CCDC91: variants seen among roughly 807,000 people sequenced by gnomAD.
The protein encoded by CCDC91 is coiled-coil domain containing 91.
A neutral mutation model predicts 63.2 loss-of-function variants in CCDC91; 48 were observed. That is an observed-to-expected ratio of 0.76 (90% CI 0.60 to 0.97). The LOEUF (loss-of-function observed/expected upper bound fraction) is 0.97, where lower values mean the gene tolerates loss of function less well. Ranked by LOEUF, CCDC91 falls within the 50% of genes least tolerant of loss-of-function variation. The pLI is 0.00. For synonymous variants in CCDC91, 167 were observed against 165.8 expected, an observed-to-expected ratio of 1.01 and a Z score of -0.06; for missense variants, 500 against 494.6, an observed-to-expected ratio of 1.01 and a Z score of -0.10.
intron 6 of CCDC91, among the ~76,000 whole-genome samples, chr12:28,309,371 A>C (rs781298874): frequency 1.3e-5 from 2 of 152,008 alleles, no homozygotes; most frequent in Non-Finnish European, 2.9e-5. Context: ...TCTGTTAGAA[A>C]AGATAACTTC....
intron 8 of CCDC91, among the ~76,000 whole-genome samples, chr12:28,433,228 G>A (rs1948724984): frequency 6.6e-6 from 1 of 151,698 alleles, no homozygotes; most frequent in African/African-American, 2.4e-5. Flanking sequence ...ATGAAGTTCA[G>A]CTTATCCCAT....
intron 3 of CCDC91, among the ~76,000 whole-genome samples, chr12:28,267,519 TTGAAAGATTATTTAAAATTAAC>T (rs1947268582): frequency 6.7e-6 from 1 of 149,794 alleles, no homozygotes; most frequent in African/African-American, 2.5e-5. Context: ...TTTCTGTGAC[TTGAAAGATTATTTAAAATTAAC>T]AGTTTACTTA....
At chr12:28,493,062 AACC>A (rs1270967690) in intron 12 of CCDC91, among the ~76,000 whole-genome samples, 2 of 151,680 alleles carry the variant, frequency 1.3e-5, no homozygotes, top group Non-Finnish European at 2.9e-5. Context: ...TATATAAAAG[AACC>A]ACCATTTATT....
chr12:28,364,733 T>G (rs1170268006), intron 7 of CCDC91, among the ~76,000 whole-genome samples: 1 of 53,970 alleles, frequency 1.9e-5, no homozygotes, highest in Non-Finnish European at 4.7e-5. Context: ...AAAATAATTA[T>G]CACATGAACT....
chr12:28,480,961 A>G lies in CCDC91; in HGVS notation c.1102-3091A>G, dbSNP rs1433378935. On this transcript the variant is annotated intron_variant, in intron 11 of 12. Transcript: ENST00000536442. ...TAAAGCATAACTATACTTTTAAGCA[A>G]TAGAGAGAAATTATAACATCTTATG... 2.0e-5 allele frequency among the ~76,000 whole-genome samples: 3 copies of G among 152,036 alleles called. No homozygotes were observed. The East Asian group carries it at 5.8e-4, about 29-fold the overall frequency.
chr12:28,194,023 T>TAAGAAAATGAAAGGA (rs1941514359), intron 1 of CCDC91, among the ~76,000 whole-genome samples: 1 of 152,250 alleles, frequency 6.6e-6, no homozygotes, highest in South Asian at 2.1e-4. Context: ...ACAGTATCTT[T>TAAGAAAATGAAAGGA]CAAAGAGCAG....
chr12:28,200,859 A>C (rs1030047678), intron 1 of CCDC91, among the ~76,000 whole-genome samples: 18 of 150,210 alleles, frequency 1.2e-4, no homozygotes, highest in African/African-American at 4.2e-4. Flanking sequence ...GGCTGGGCAG[A>C]GGCGCCCCTC....
At position 28,539,249 on chromosome 12, in the gene CCDC91, T is replaced by G. The variant is rs184506579; in HGVS notation, c.1216-9814T>G. Among the ~76,000 whole-genome samples the G allele has an allele frequency of 1.3e-3, 201 of 152,298 alleles. 1 individual carries two copies. The highest frequency in any genetic ancestry group is 4.5e-3 in the African/African-American group (188 of 41,558). ...GTTTTTATGGTTTTAGGTCTAACGTTTAAGTCTTTAATCCATCTTGAATTA... is the reference window on the plus strand; with the variant it reads ...GTTTTTATGGTTTTAGGTCTAACGTGTAAGTCTTTAATCCATCTTGAATTA... On this transcript the variant is annotated intron_variant, in intron 12 of 12. Coordinates refer to ENST00000536442, the MANE Select transcript of CCDC91 (RefSeq NM_018318.5).
chr12:28,514,235 C>T (rs138884796), intron 12 of CCDC91, among the ~76,000 whole-genome samples: 4 of 151,910 alleles, frequency 2.6e-5, no homozygotes, highest in African/African-American at 7.2e-5. Context: ...TTTCTTCATA[C>T]GTCTGTTGGC....
intron 8 of CCDC91, among the ~76,000 whole-genome samples, chr12:28,400,370 T>C (rs1171483096): frequency 1.6e-5 from 1 of 63,448 alleles, no homozygotes; most frequent in Non-Finnish European, 3.2e-5. Context: ...ACCCTAGGAC[T>C]GGCCCAGGAA....
intron 6 of CCDC91, among the ~76,000 whole-genome samples, chr12:28,310,089 C>G (rs141520773): frequency 6.6e-6 from 1 of 152,098 alleles, no homozygotes; most frequent in African/African-American, 2.4e-5. Flanking sequence ...GCACCCTGCT[C>G]CCCAAGGACT....
At chr12:28,195,806 A>G (rs7975051) in intron 1 of CCDC91, among the ~76,000 whole-genome samples, 3 of 152,188 alleles carry the variant, frequency 2.0e-5, no homozygotes, top group Admixed American at 6.5e-5. Flanking sequence ...CTAATCCATT[A>G]ATAAAATACC....
intron 11 of CCDC91, among the ~76,000 whole-genome samples, chr12:28,464,034 GGGA>G (rs1463450854): frequency 2.0e-5 from 3 of 152,068 alleles, no homozygotes; most frequent in Non-Finnish European, 4.4e-5. Flanking sequence ...CTCTGCCCTG[GGGA>G]GGAGAACCAG....
chr12:28,441,735 T>C (rs1949233716), intron 8 of CCDC91, among the ~76,000 whole-genome samples: 1 of 149,958 alleles, frequency 6.7e-6, no homozygotes, highest in African/African-American at 2.4e-5. Flanking sequence ...ATCATATATC[T>C]CATATATATA....
At chr12:28,357,105 A>G (rs1943577090) in intron 6 of CCDC91, among the ~76,000 whole-genome samples, 1 of 152,210 alleles carries the variant, frequency 6.6e-6, no homozygotes. Context: ...TCAGATATTC[A>G]TATCGTGTAT....
intron 3 of CCDC91, among the ~76,000 whole-genome samples, chr12:28,271,640 A>G (rs1253684960): frequency 6.6e-6 from 1 of 151,902 alleles, no homozygotes. Flanking sequence ...AAAGAAAGTT[A>G]TTAGTTTGGA....
At chr12:28,191,486 G>A (rs1306489873) in intron 1 of CCDC91, among the ~76,000 whole-genome samples, 1 of 152,148 alleles carries the variant, frequency 6.6e-6, no homozygotes. Context: ...TCCCCTCTCA[G>A]CTGTGCGGAT....
At chr12:28,224,671 GA>G (rs1285538160) in intron 1 of CCDC91, among the ~76,000 whole-genome samples, 21 of 152,124 alleles carry the variant, frequency 1.4e-4, no homozygotes, top group Non-Finnish European at 8.8e-5. Context: ...CTTTAATAAT[GA>G]ACTTGGGTTT....
At chr12:28,467,458 A>G (rs527458365) in intron 11 of CCDC91, among the ~76,000 whole-genome samples, 173 of 152,158 alleles carry the variant, frequency 1.1e-3, no homozygotes, top group Middle Eastern at 3.4e-3. Context: ...CAGGTATATA[A>G]AGCAAATATT....
Sources: gnomAD v4.1 joint callset for allele counts (sites outside exome capture counted in the v4.1 genomes callset) on GRCh38, gnomAD v4.1.1 for gene constraint, MANE v1.5 for transcripts, NCBI Gene and HGNC (gene_info 2026-07-23, HGNC 2026-07-21) for gene names.